The following TRPM4 variants were observed in gnomAD, a reference collection of about 807,000 sequenced individuals.
TRPM4 encodes the protein transient receptor potential cation channel subfamily M member 4.
A neutral mutation model predicts 135.6 loss-of-function variants in TRPM4; 124 were observed. The ratio of observed to expected loss-of-function variants is 0.91; its 90% CI spans 0.79 to 1.06. The LOEUF (loss-of-function observed/expected upper bound fraction) is 1.06. Ranked by LOEUF, TRPM4 falls within the 50% of genes least tolerant of loss-of-function variation. TRPM4 has a pLI of 0.00. For synonymous variants in TRPM4, 745 were observed against 705.6 expected, an observed-to-expected ratio of 1.06 and a Z score of -0.88; for missense variants, 1,658 against 1,671.4, an observed-to-expected ratio of 0.99 and a Z score of 0.14.
chr19:49,184,558 T>TCACGCCATTCTCCTGCCTC (rs776758651), intron 12 of TRPM4, among the ~76,000 whole-genome samples: 7 of 147,964 alleles, frequency 4.7e-5, no homozygotes, highest in East Asian at 4.1e-4. Context: ...CCTCCTGGGT[T>TCACGCCATTCTCCTGCCTC]CACGCCATTC....
intron 17 of TRPM4, among the ~76,000 whole-genome samples, chr19:49,199,922 T>C (rs1228406535): frequency 6.6e-6 from 1 of 152,232 alleles, no homozygotes; most frequent in African/African-American, 2.4e-5. Flanking sequence ...CTCTGTGAAT[T>C]GTACGTGGTA....
At chr19:49,184,758 C>T (rs532287968) in intron 12 of TRPM4, among the ~76,000 whole-genome samples, 2 of 151,308 alleles carry the variant, frequency 1.3e-5, no homozygotes, top group South Asian at 2.1e-4. Flanking sequence ...GGATTACAGG[C>T]GTGAGCCACT....
At chr19:49,208,534 G>A (rs1009624067) in intron 20 of TRPM4, among the ~76,000 whole-genome samples, 1 of 152,020 alleles carries the variant, frequency 6.6e-6, no homozygotes, top group Non-Finnish European at 1.5e-5. Flanking sequence ...TTCTCATCAT[G>A]CCCCTTCAGC....
intron 16 of TRPM4, among the ~76,000 whole-genome samples, chr19:49,191,984 C>G (rs1238778643): frequency 2.0e-5 from 3 of 152,174 alleles, no homozygotes; most frequent in Non-Finnish European, 4.4e-5. Context: ...CACATACTTC[C>G]ATCCCTCTGT....
intron 6 of TRPM4, among the ~76,000 whole-genome samples, chr19:49,168,940 G>C (rs1031708960): frequency 2.6e-5 from 4 of 151,910 alleles, no homozygotes; most frequent in Non-Finnish European, 5.9e-5. Flanking sequence ...GGGAGGCCGA[G>C]GTAGGAGGAT....
rs1331700178 is a variant in TRPM4 at position 49,211,429 on chromosome 19, C to T, written c.3641-65C>T. 3.1e-6 allele frequency: 5 copies of T among 1,612,094 alleles called. No individual in the cohort carries two copies. In the East Asian group the frequency reaches 6.7e-5, roughly 22 times the overall value. On this transcript the variant is annotated intron_variant, in intron 24 of 24. Transcript: ENST00000252826. This position sits in a 1 kb window ranked among gnomAD's most constrained non-coding sequence, Gnocchi z 4.8. ...CGTCTTTCTTCTTTTTTGCCAGTCT[C>T]CCAGTTTTTCTGTCTCTCCCCTTCC...
intron 12 of TRPM4, 135 bp from the exon 13 acceptor site, chr19:49,188,506 A>C: frequency 7.7e-7 from 1 of 1,298,242 alleles, no homozygotes; most frequent in South Asian, 1.2e-5. Flanking sequence ...TCCATCTCCA[A>C]ACATTACTTC....
At chr19:49,163,195 ATTATTT>A (rs1568454485) in intron 2 of TRPM4, among the ~76,000 whole-genome samples, 1 of 94,562 alleles carries the variant, frequency 1.1e-5, no homozygotes, top group Non-Finnish European at 2.6e-5. Context: ...TTTTATTATT[ATTATTT>A]TTTTTTTTTT....
chr19:49,211,224 C>G lies in TRPM4; in HGVS notation c.3595C>G (p.Leu1199Val). 1 of 1,596,874 alleles carries G rather than the reference C, an allele frequency of 6.3e-7. No homozygotes were observed. Among genetic ancestry groups the G allele is most frequent in the East Asian group, 2.3e-5 (1 of 44,174 alleles). The part of the protein sequence containing the change: ...VAEALSRSAL[L>V]PPGGPPPPDL... ...CGAGGCCCTGAGCCGCTCTGCCTTG[C>G]TGCCCCCAGGTGGGCCGCCACCCCC... The change falls in exon 24 of 25, where the codon CTG becomes GTG. Residue 1199 changes from leucine (L) to valine (V), a missense_variant. Physicochemically the swap from Leu to Val is conservative, Grantham distance 32. Around this residue, in one of 3 missense-constraint regions of TRPM4, gnomAD observed 1,412 missense variants for 1,408.7 expected, o/e 1.00. Transcript: ENST00000252826. This position sits in a 1 kb window ranked among gnomAD's most constrained non-coding sequence, Gnocchi z 4.8.
intron 15 of TRPM4, 115 bp downstream of exon 15, chr19:49,190,435 A>G: frequency 3.0e-6 from 3 of 985,472 alleles, no homozygotes; most frequent in Non-Finnish European, 3.2e-6. Flanking sequence ...CTTCCCTAGG[A>G]ATGGGACTCT....
chr19:49,182,925 A>C lies in TRPM4; in HGVS notation c.1608+3A>C. 6.3e-7 allele frequency: 1 copy of C among 1,589,410 alleles called. No individual in the cohort carries two copies. The highest frequency in any genetic ancestry group is 2.0e-4 in the Middle Eastern group (1 of 4,940). On this transcript the variant is annotated splice_donor_region_variant and intron_variant, in intron 11 of 24. Transcript: ENST00000252826. ...CAGGCCAGGGCTTCGGGGAGAGCGT[A>C]AGGACCGGGCAAAGCTGGGGGGCCC...
At chr19:49,158,395 C>A in intron 2 of TRPM4, 136 bp downstream of exon 2, 2 of 824,804 alleles carry the variant, frequency 2.4e-6, no homozygotes, top group South Asian at 1.4e-5. Context: ...CTTGCCGACG[C>A]TCTCCCTCTA....
Position 49,171,361 on chromosome 19 carries a change from T to A in TRPM4, c.801T>A (p.Thr267=). ...ISQQKTGVGG[T]GIDIPVLLLL... is the part of the protein sequence containing the mutation. Reference sequence around the variant, plus strand: ...CCCCTTCTCTTCTTGCCTCAGGGACTGGAATTGACATCCCTGTCCTGCTCC... The same window carrying A: ...CCCCTTCTCTTCTTGCCTCAGGGACAGGAATTGACATCCCTGTCCTGCTCC... Residue 267 remains threonine (T), a synonymous_variant, in exon 7 of 25, where the codon ACT becomes ACA. Transcript: ENST00000252826. The surrounding 1 kb of genome is among the most constrained non-coding windows in gnomAD (Gnocchi z 4.7). 1 of 1,614,100 alleles carries A rather than the reference T, an allele frequency of 6.2e-7. No individual in the cohort carries two copies. The highest frequency in any genetic ancestry group is 8.5e-7 in the Non-Finnish European group (1 of 1,180,022).
At chr19:49,191,585 C>T (rs535938923) in intron 16 of TRPM4, among the ~76,000 whole-genome samples, 5 of 151,834 alleles carry the variant, frequency 3.3e-5, no homozygotes, top group East Asian at 1.9e-4. Flanking sequence ...GTGTGATCTC[C>T]GCCTCCTGGG....
rs781459100 is a variant in TRPM4 at position 49,202,028 on chromosome 19, C to T, written c.3018C>T (p.Ala1006=). The T allele has an allele frequency of 1.2e-6, 2 of 1,613,986 alleles. No individual in the cohort carries two copies. Among genetic ancestry groups the T allele is most frequent in the Non-Finnish European group, 1.7e-6 (2 of 1,180,040 alleles). The change falls in exon 20 of 25, where the codon GCC becomes GCT. Residue 1006 remains alanine (A), a synonymous_variant. Transcript: ENST00000252826. ...GCTTCTGGGCACACCCTCCTGGGGCCCAGGCGGGCACCTGCGTCTCCCAGT... is the reference window on the plus strand; with the variant it reads ...GCTTCTGGGCACACCCTCCTGGGGCTCAGGCGGGCACCTGCGTCTCCCAGT... ...EPGFWAHPPG[A]QAGTCVSQYA... is the part of the protein sequence containing the mutation.
Position 49,196,487 on chromosome 19 carries a change from C to T in TRPM4, c.2258C>T (p.Ser753Leu), listed in dbSNP as rs919907088. ...EKTPLGVPRQ[S>L]GRPGCCGGRC... ...ACGCCGCTGGGGGTCCCGCGCCAGTCGGGCCGTCCGGGTTGCTGCGGGGGC... is the reference window on the plus strand; with the variant it reads ...ACGCCGCTGGGGGTCCCGCGCCAGTTGGGCCGTCCGGGTTGCTGCGGGGGC... The change falls in exon 17 of 25, where the codon TCG (serine) becomes TTG (leucine). Residue 753 changes from serine to leucine, a missense_variant. This residue lies in a region of TRPM4 where 1,412 missense variants were observed against 1,408.7 expected (regional missense o/e 1.00). Transcript: ENST00000252826. The T allele has an allele frequency of 3.9e-6, 6 of 1,554,426 alleles. No homozygotes were observed. In the South Asian group the frequency reaches 4.7e-5, roughly 12 times the overall value.
chr19:49,168,053 A>C lies in TRPM4; in HGVS notation c.404A>C (p.Gln135Pro). Residue 135 changes from glutamine to proline, a missense_variant, in exon 4 of 25, where the codon CAG becomes CCG. By Grantham distance (76) the Gln-to-Pro change is moderately conservative (BLOSUM62 -1). Around this residue, in one of 3 missense-constraint regions of TRPM4, gnomAD observed 239 missense variants for 240.1 expected, o/e 1.00. Transcript: ENST00000252826. ...SGGPVLQTWL[Q>P]DLLRRGLVRA... ...GGCCCCGTCCTCCAGACCTGGCTGC[A>C]GGACCTGCTGCGTCGTGGGCTGGTG... 1 of 1,611,888 alleles carries C rather than the reference A, an allele frequency of 6.2e-7. No individual in the cohort carries two copies.
rs144812913 is a variant in TRPM4, at chr19:49,188,680, C to G, written c.1783C>G (p.Leu595Val). The change falls in exon 13 of 25, where the codon CTG becomes GTG. Residue 595 changes from leucine (L) to valine (V), a missense_variant. Leu to Val is a conservative substitution (Grantham distance 32). Transcript: ENST00000252826. Reference protein sequence around the residue: ...AVSSALGACLLLRVMARLEPD... With the variant: ...AVSSALGACLVLRVMARLEPD... ...TTCCTCAGCTCTTGGGGCCTGTTTG[C>G]TGCTCCGGGTGATGGCACGCCTGGA... 2.4e-5 allele frequency: 39 copies of G among 1,614,068 alleles called. No individual in the cohort carries two copies. The African/African-American group carries it at 4.9e-4, about 20-fold the overall frequency.
At chr19:49,190,795 G>A in intron 16 of TRPM4, 22 bp downstream of exon 16, 2 of 1,611,574 alleles carry the variant, frequency 1.2e-6, no homozygotes, top group South Asian at 2.2e-5. Context: ...CTCCAGCACT[G>A]TGTGAGGTGG....
Sources: allele counts gnomAD v4.1 joint callset (sites outside exome capture counted in the v4.1 genomes callset), GRCh38; gene constraint gnomAD v4.1.1; regional missense constraint gnomAD v4.1.1; non-coding constraint Gnocchi (gnomAD v3.1); transcripts MANE v1.5; gene names NCBI Gene and HGNC (gene_info 2026-07-23, HGNC 2026-07-21).